PDE3A: variants seen among roughly 807,000 people sequenced by gnomAD.
PDE3A encodes phosphodiesterase 3A, also known as cGMP-inhibited 3',5'-cyclic phosphodiesterase 3A.
A neutral mutation model predicts 98.3 loss-of-function variants in PDE3A; 43 were observed. That is an observed-to-expected ratio of 0.44 (90% CI 0.34 to 0.56). The LOEUF is 0.56. Among genes scored for constraint, PDE3A ranks in the 20% least tolerant of loss-of-function variants. The pLI is 0.01. For synonymous variants in PDE3A, 663 were observed against 567.9 expected (o/e 1.17, Z -2.38); for missense variants, 1,427 against 1,440.7 (o/e 0.99, Z 0.15).
At chr12:20,578,667 A>AT (rs1292469245) in intron 2 of PDE3A, among the ~76,000 whole-genome samples, 1 of 152,092 alleles carries the variant, frequency 6.6e-6, no homozygotes, top group East Asian at 1.9e-4. Flanking sequence ...GGCTAGATAC[A>AT]TTTTTAAATT....
chr12:20,420,176 C>T (rs934636222), intron 1 of PDE3A, among the ~76,000 whole-genome samples: 2 of 152,080 alleles, frequency 1.3e-5, no homozygotes, highest in Admixed American at 6.5e-5. Flanking sequence ...ACTATTCTAC[C>T]TATTTCCAAA....
chr12:20,386,090 A>AAATATATAG (rs1565532489), intron 1 of PDE3A, among the ~76,000 whole-genome samples: 309 of 14,956 alleles, frequency 0.021, 20 homozygotes, highest in African/African-American at 0.051. Context: ...TAAATATATA[A>AAATATATAG]ATATATATAA....
intron 1 of PDE3A, among the ~76,000 whole-genome samples, chr12:20,554,648 G>A (rs976734467): frequency 2.6e-5 from 4 of 151,136 alleles, no homozygotes; most frequent in Non-Finnish European, 4.4e-5. Context: ...GTGCAGCAGC[G>A]CGATCTCAGC....
intron 5 of PDE3A, among the ~76,000 whole-genome samples, chr12:20,623,682 A>ATAT (rs1944186755): frequency 7.8e-6 from 1 of 128,452 alleles, no homozygotes; most frequent in Non-Finnish European, 1.8e-5. Context: ...TAGAAAGAAT[A>ATAT]TATGATGGAT....
intron 9 of PDE3A, among the ~76,000 whole-genome samples, chr12:20,639,300 A>G (rs1002948431): frequency 1.3e-5 from 2 of 152,138 alleles, no homozygotes; most frequent in Non-Finnish European, 2.9e-5. Context: ...GCAAAATTCA[A>G]TAATGTATCT....
intron 1 of PDE3A, among the ~76,000 whole-genome samples, chr12:20,434,735 A>G (rs1395591834): frequency 6.6e-6 from 1 of 152,184 alleles, no homozygotes; most frequent in South Asian, 2.1e-4. Context: ...CCACAATATC[A>G]TGAAGAATAG....
intron 1 of PDE3A, among the ~76,000 whole-genome samples, chr12:20,428,191 C>A (rs1944632610): frequency 1.3e-5 from 2 of 152,110 alleles, no homozygotes; most frequent in Admixed American, 6.6e-5. Flanking sequence ...AGAGTAAAAT[C>A]TCTAAAGTCT....
intron 1 of PDE3A, among the ~76,000 whole-genome samples, chr12:20,416,977 A>G (rs1944430871): frequency 6.6e-6 from 1 of 152,194 alleles, no homozygotes; most frequent in Admixed American, 6.5e-5. Context: ...AAGGGAATAA[A>G]TTGGCTATTT....
Position 20,385,917 on chromosome 12 carries a change from AC to A in PDE3A, c.960+15676del, listed in dbSNP as rs1422269636. Among the ~76,000 whole-genome samples, 29 of 141,168 alleles carry A rather than the reference AC, an allele frequency of 2.1e-4. 1 individual carries two copies. The highest frequency in any genetic ancestry group is 6.0e-5 in the Non-Finnish European group (4 of 66,532). 92.6% of individuals were successfully genotyped at this position (141,168 alleles called of 152,430 possible). A position where few individuals can be genotyped will look rare whatever the true frequency, so the allele number is the denominator to read the frequency against. ...ACAAAGCTGCACGTTGTGTACAAGT[AC>A]CCTAGAACTTAAAGTATAATACAAA... On this transcript the variant is annotated intron_variant, in intron 1 of 15. Coordinates refer to ENST00000359062, the MANE Select transcript of PDE3A (RefSeq NM_000921.5).
intron 1 of PDE3A, among the ~76,000 whole-genome samples, chr12:20,475,178 A>AGTGTGT (rs71442249): frequency 0.061 from 5,661 of 92,412 alleles, 165 homozygotes; most frequent in Non-Finnish European, 0.092. Context: ...AATGTGTGTG[A>AGTGTGT]GTGTGTGTGT....
intron 1 of PDE3A, among the ~76,000 whole-genome samples, chr12:20,489,689 T>C (rs929829625): frequency 6.6e-6 from 1 of 152,234 alleles, no homozygotes; most frequent in Admixed American, 6.5e-5. Context: ...TTGCCTCACC[T>C]ACAGACAAAA....
intron 1 of PDE3A, among the ~76,000 whole-genome samples, chr12:20,431,104 G>T (rs774022140): frequency 6.6e-6 from 1 of 151,956 alleles, no homozygotes; most frequent in Non-Finnish European, 1.5e-5. Context: ...TTATCTGCCC[G>T]TCTTTATTAC....
At chr12:20,643,140 G>A (rs1944684219) in intron 10 of PDE3A, among the ~76,000 whole-genome samples, 1 of 152,110 alleles carries the variant, frequency 6.6e-6, no homozygotes, top group Non-Finnish European at 1.5e-5. Flanking sequence ...AAGAGGGCGA[G>A]GGGGTTGCCA....
At chr12:20,460,732 A>G (rs1945231786) in intron 1 of PDE3A, among the ~76,000 whole-genome samples, 1 of 152,176 alleles carries the variant, frequency 6.6e-6, no homozygotes, top group African/African-American at 2.4e-5. Context: ...CTTCAGCCTG[A>G]TTATTTTAAA....
intron 1 of PDE3A, among the ~76,000 whole-genome samples, chr12:20,382,401 A>C (rs1007120174): frequency 1.3e-5 from 2 of 151,966 alleles, no homozygotes; most frequent in Non-Finnish European, 2.9e-5. Context: ...ATAGTTTATG[A>C]ACCTATGACA....
chr12:20,386,172 A>AATATATATAAATATATATAT lies in PDE3A; in HGVS notation c.960+15929_960+15930insTATATATAAATATATATATA, dbSNP rs1943791116. 3.2e-4 allele frequency among the ~76,000 whole-genome samples: 15 copies of AATATATATAAATATATATAT among 47,112 alleles called. 2 individuals carry two copies. Among genetic ancestry groups the AATATATATAAATATATATAT allele is most frequent in the African/African-American group, 1.3e-3 (15 of 11,188 alleles). 30.9% of individuals were successfully genotyped at this position (47,112 alleles called of 152,430 possible). A position where few individuals can be genotyped will look rare whatever the true frequency, so the allele number is the denominator to read the frequency against. Reference sequence around the variant, plus strand: ...ATATATAAATATATATAAATATATAAAAATATATATAAATATATATAAATA... The same window carrying AATATATATAAATATATATAT: ...ATATATAAATATATATAAATATATAAATATATATAAATATATATATAAATATATATAAATATATATAAATA... On this transcript the variant is annotated intron_variant, in intron 1 of 15. Transcript: ENST00000359062.
At chr12:20,453,060 A>G (rs1945094791) in intron 1 of PDE3A, among the ~76,000 whole-genome samples, 1 of 152,088 alleles carries the variant, frequency 6.6e-6, no homozygotes, top group African/African-American at 2.4e-5. Context: ...TCCTGCCTAC[A>G]CCACTGTTTT....
intron 1 of PDE3A, among the ~76,000 whole-genome samples, chr12:20,474,177 A>T (rs1945487253): frequency 6.6e-6 from 1 of 152,108 alleles, no homozygotes; most frequent in South Asian, 2.1e-4. Context: ...TGTGGTTTTA[A>T]TTTTTATGTC....
Position 20,488,941 on chromosome 12 carries a change from G to C in PDE3A, c.961-67719G>C, listed in dbSNP as rs1000397250. On this transcript the variant is annotated intron_variant, in intron 1 of 15. Coordinates refer to ENST00000359062, the MANE Select transcript of PDE3A (RefSeq NM_000921.5). ...CTAATGATTCTGGATCATTATGCCA[G>C]AAGTATCCAGGTTCAAAGCGATATT... Among the ~76,000 whole-genome samples, 51 of 151,262 alleles carry C rather than the reference G, an allele frequency of 3.4e-4. 1 individual carries two copies. The highest frequency in any genetic ancestry group is 3.4e-3 in the Admixed American group (51 of 15,194).
Sources: gnomAD v4.1 joint callset for allele counts (sites outside exome capture counted in the v4.1 genomes callset) on GRCh38, gnomAD v4.1.1 for gene constraint, MANE v1.5 for transcripts, NCBI Gene and HGNC (gene_info 2026-07-23, HGNC 2026-07-21) for gene names.